The following DEPDC1B variants were observed in gnomAD, a reference collection of about 807,000 sequenced individuals.
The protein encoded by DEPDC1B is DEP domain containing 1B, also known as DEP domain-containing protein 1B.
A neutral mutation model predicts 66.5 loss-of-function variants in DEPDC1B; 51 were observed. The ratio of observed to expected loss-of-function variants is 0.77; its 90% CI spans 0.61 to 0.97. DEPDC1B has a LOEUF of 0.97. DEPDC1B is among the 50% of genes least tolerant of loss of function. The pLI, the probability that DEPDC1B is intolerant of heterozygous loss-of-function variation, is 0.00. For missense variants in DEPDC1B, 552 were observed against 637.1 expected (o/e 0.87, Z 1.44); for synonymous variants, 226 against 223.6 (o/e 1.01, Z -0.10).
intron 5 of DEPDC1B, among the ~76,000 whole-genome samples, chr5:60,643,877 C>A (rs2061254): frequency 0.053 from 8,059 of 152,246 alleles, 452 homozygotes; most frequent in African/African-American, 0.14. Context: ...AGGTTCTGCT[C>A]CTGTCAGGAA....
rs1258828760 is a variant in DEPDC1B, at chr5:60,597,822, T to C, written c.1521A>G (p.Pro507=). The C allele has an allele frequency of 6.2e-7, 1 of 1,613,504 alleles. No homozygotes were observed. The highest frequency in any genetic ancestry group is 1.1e-5 in the South Asian group (1 of 91,026). ...TCTTTAGTGCCCACATTAGCAGCTG[T>C]GGTTTCGGTTTGGGTTTTTCAGGAA... is the stretch of plus-strand genomic sequence containing the variant. ...LLFPEKPKPK[P]QLLMWALKKP... is the part of the protein sequence containing the mutation. The change falls in exon 11 of 11, where the codon CCA becomes CCG. Residue 507 remains proline, a synonymous_variant. Coordinates refer to ENST00000265036, the MANE Select transcript of DEPDC1B (RefSeq NM_018369.3).
At chr5:60,660,266 CAGAGAG>C (rs942786812) in intron 2 of DEPDC1B, among the ~76,000 whole-genome samples, 1 of 121,582 alleles carries the variant, frequency 8.2e-6, no homozygotes, top group African/African-American at 3.3e-5. Context: ...AGGAGAGAGA[CAGAGAG>C]AGAGACAGAG....
chr5:60,674,339 C>T (rs1020399144), intron 2 of DEPDC1B, among the ~76,000 whole-genome samples: 6 of 152,176 alleles, frequency 3.9e-5, no homozygotes, highest in Non-Finnish European at 7.4e-5. Flanking sequence ...CCAGGAATTA[C>T]CTTTTATGAC....
At chr5:60,693,823 A>G (rs922267496) in intron 1 of DEPDC1B, among the ~76,000 whole-genome samples, 1 of 151,892 alleles carries the variant, frequency 6.6e-6, no homozygotes, top group Non-Finnish European at 1.5e-5. Flanking sequence ...TTATCATTAG[A>G]TTGTTGTACC....
At chr5:60,602,378 A>G (rs1435050614) in intron 9 of DEPDC1B, among the ~76,000 whole-genome samples, 1 of 152,188 alleles carries the variant, frequency 6.6e-6, no homozygotes, top group East Asian at 1.9e-4. Context: ...AAAAAAATAG[A>G]AAAAATTTTA....
intron 7 of DEPDC1B, chr5:60,630,423 G>C (rs1236334288): frequency 7.2e-5 from 11 of 152,316 alleles, no homozygotes; most frequent in African/African-American, 2.2e-4. Context: ...GAGACCAAGA[G>C]CAGGCAACCT....
intron 7 of DEPDC1B, among the ~76,000 whole-genome samples, chr5:60,631,124 TG>T (rs1752915503): frequency 6.6e-6 from 1 of 152,178 alleles, no homozygotes; most frequent in Non-Finnish European, 1.5e-5. Context: ...GCTGAAGACC[TG>T]GTGGAGGAGC....
chr5:60,619,087 A>C (rs1752638677), intron 7 of DEPDC1B, among the ~76,000 whole-genome samples: 1 of 152,238 alleles, frequency 6.6e-6, no homozygotes, highest in Non-Finnish European at 1.5e-5. Flanking sequence ...AAATTTCAAC[A>C]GCCCTTCATG....
chr5:60,650,218 A>G (rs1196781380), intron 2 of DEPDC1B, among the ~76,000 whole-genome samples: 5 of 152,112 alleles, frequency 3.3e-5, no homozygotes, highest in Non-Finnish European at 7.4e-5. Context: ...TGATCAACTG[A>G]TTCTAAAATT....
chr5:60,600,604 C>T (rs1435235784), intron 9 of DEPDC1B, among the ~76,000 whole-genome samples: 1 of 152,164 alleles, frequency 6.6e-6, no homozygotes, highest in African/African-American at 2.4e-5. Context: ...CTTGGCAATT[C>T]TAATATGTAC....
chr5:60,647,998 T>A (rs1753360989), intron 2 of DEPDC1B: 1 of 152,844 alleles, frequency 6.5e-6, no homozygotes, highest in African/African-American at 2.4e-5. Flanking sequence ...AAAATGTCTA[T>A]AGTGTTCAAG....
rs150844508 is a variant in DEPDC1B, at chr5:60,626,620, AAT to A, written c.898+12128_898+12129del. Among the ~76,000 whole-genome samples, 298 of 152,234 alleles carry A rather than the reference AAT, an allele frequency of 2.0e-3. 10 individuals are homozygous for A. In the East Asian group the frequency reaches 0.047, roughly 24 times the overall value. On this transcript the variant is annotated intron_variant, in intron 7 of 10. Coordinates refer to ENST00000265036, the MANE Select transcript of DEPDC1B (RefSeq NM_018369.3). ...AAATACATTTTACACTGCAATAATA[AAT>A]ATATATGTGTTTAATTAAAACAAAA...
At chr5:60,665,919 A>T (rs965702782) in intron 2 of DEPDC1B, among the ~76,000 whole-genome samples, 6 of 152,234 alleles carry the variant, frequency 3.9e-5, no homozygotes, top group Non-Finnish European at 8.8e-5. Flanking sequence ...GGGGAGGGAC[A>T]ATGATTGGGA....
chr5:60,681,497 GAA>G (rs1174107997), intron 2 of DEPDC1B, among the ~76,000 whole-genome samples: 5 of 151,948 alleles, frequency 3.3e-5, no homozygotes, highest in East Asian at 1.9e-4. Context: ...AGATCTACAG[GAA>G]AAAAGTCTTT....
At chr5:60,619,329 G>C (rs79073662) in intron 7 of DEPDC1B, among the ~76,000 whole-genome samples, 1 of 151,896 alleles carries the variant, frequency 6.6e-6, no homozygotes, top group African/African-American at 2.4e-5. Context: ...TATTCGATTA[G>C]GAAAAGAGGA....
At position 60,597,614 on chromosome 5, in the gene DEPDC1B, A is replaced by G. The variant is rs906009666; in HGVS notation, c.*139T>C. ...TACTAATGGCCAAACATTTTTAAAA[A>G]CTAAGGCAATCTTTATCTATATTTC... On this transcript the variant is annotated 3_prime_UTR_variant, in exon 11 of 11. Transcript: ENST00000265036. The G allele has an allele frequency of 2.9e-5, 27 of 945,194 alleles. No individual in the cohort carries two copies. Among genetic ancestry groups the G allele is most frequent in the Admixed American group, 6.3e-5 (2 of 31,992 alleles). 58.6% of individuals were successfully genotyped at this position (945,194 alleles called of 1,614,324 possible). A position where few individuals can be genotyped will look rare whatever the true frequency, so the allele number is the denominator to read the frequency against.
In DEPDC1B at chr5:60,617,425, T is replaced by A. The variant is rs565022035; in HGVS notation, c.899-11569A>T. Among the ~76,000 whole-genome samples, 12 of 152,024 alleles carry A rather than the reference T, an allele frequency of 7.9e-5. No individual in the cohort carries two copies. The East Asian group carries it at 2.1e-3, about 27-fold the overall frequency. On this transcript the variant is annotated intron_variant, in intron 7 of 10. Coordinates refer to ENST00000265036, the MANE Select transcript of DEPDC1B (RefSeq NM_018369.3). The stretch of plus-strand genomic sequence containing the variant: ...ATGCAGAGACACACATAGGCTCAAA[T>A]TAAAGGGATGGAGGAAGATCTGCGA...
intron 2 of DEPDC1B, among the ~76,000 whole-genome samples, chr5:60,658,581 T>TG (rs34289423): frequency 0.57 from 86,311 of 151,932 alleles, 24,824 homozygotes; most frequent in East Asian, 0.77. Context: ...CCTTTAAACA[T>TG]GGGCTTGTAA....
chr5:60,599,172 C>T lies in DEPDC1B; in HGVS notation c.1331G>A (p.Arg444Lys). The T allele has an allele frequency of 1.2e-6, 2 of 1,613,502 alleles. No individual in the cohort carries two copies. The highest frequency in any genetic ancestry group is 1.7e-6 in the Non-Finnish European group (2 of 1,179,712). ...CAGAGGTTCCTGAGAGCCATATGAT[C>T]TTTGATATTCAAATTCCTCTGGACT... Reference protein sequence around the residue: ...QISPEEFEYQRSYGSQEPLAA... With the variant: ...QISPEEFEYQKSYGSQEPLAA... The change falls in exon 10 of 11, where the codon AGA (arginine) becomes AAA (lysine). Residue 444 changes from arginine (R) to lysine (K), a missense_variant. Arg to Lys is a conservative substitution (Grantham distance 26). Coordinates refer to ENST00000265036, the MANE Select transcript of DEPDC1B (RefSeq NM_018369.3).
Sources: allele counts gnomAD v4.1 joint callset (sites outside exome capture counted in the v4.1 genomes callset), GRCh38; gene constraint gnomAD v4.1.1; transcripts MANE v1.5; gene names NCBI Gene and HGNC (gene_info 2026-07-23, HGNC 2026-07-21).